The following ANKS1B variants were observed in gnomAD, a reference collection of about 807,000 sequenced individuals.
The protein encoded by ANKS1B is ankyrin repeat and sterile alpha motif domain containing 1B, also known as ankyrin repeat and sterile alpha motif domain-containing protein 1B.
ANKS1B carries 36 observed loss-of-function variants against 148.3 expected under a neutral mutation model. The observed-to-expected ratio is 0.24, with a 90% CI of 0.19 to 0.32. ANKS1B has a LOEUF of 0.32. Ranked by LOEUF, ANKS1B falls within the 10% of genes least tolerant of loss-of-function variation. The probability of loss-of-function intolerance (pLI) is 1.00; values close to 1 mark genes in which losing one functional copy is unlikely to be tolerated. For missense variants in ANKS1B, 1,157 were observed against 1,542.6 expected (o/e 0.75, Z 4.19); for synonymous variants, 542 against 560.8 (o/e 0.97, Z 0.47).
chr12:99,552,436 T>C (rs1359084806), intron 9 of ANKS1B, among the ~76,000 whole-genome samples: 1 of 152,248 alleles, frequency 6.6e-6, no homozygotes, highest in Non-Finnish European at 1.5e-5. Flanking sequence ...GTTTCATGTC[T>C]GTCTTGTTCA....
At chr12:99,609,922 T>A (rs1374055151) in intron 9 of ANKS1B, among the ~76,000 whole-genome samples, 1 of 152,122 alleles carries the variant, frequency 6.6e-6, no homozygotes, top group Non-Finnish European at 1.5e-5. Context: ...GAAGAGCTGA[T>A]GTTAGTAAAT....
At chr12:99,945,101 G>A (rs1219940016) in intron 1 of ANKS1B, among the ~76,000 whole-genome samples, 4 of 152,154 alleles carry the variant, frequency 2.6e-5, no homozygotes, top group South Asian at 2.1e-4. Context: ...TTCCAGTTGG[G>A]AAAGACAGAC....
intron 9 of ANKS1B, among the ~76,000 whole-genome samples, chr12:99,548,526 T>G (rs1349492347): frequency 6.6e-6 from 1 of 152,064 alleles, no homozygotes; most frequent in Non-Finnish European, 1.5e-5. Flanking sequence ...CTGACAAATA[T>G]AGGTAATGTT....
chr12:98,848,841 C>T (rs3741812), intron 17 of ANKS1B, among the ~76,000 whole-genome samples: 35,286 of 149,734 alleles, frequency 0.24, 4,691 homozygotes, highest in African/African-American at 0.34. Context: ...CAGATTTAAA[C>T]GATTCTCCTG....
At chr12:98,878,038 T>C (rs1477802685) in intron 17 of ANKS1B, among the ~76,000 whole-genome samples, 1 of 152,144 alleles carries the variant, frequency 6.6e-6, no homozygotes, top group Non-Finnish European at 1.5e-5. Flanking sequence ...GGTTTGAGTA[T>C]ATACAGTATA....
intron 10 of ANKS1B, among the ~76,000 whole-genome samples, chr12:99,503,648 C>T (rs1302355542): frequency 2.0e-5 from 3 of 152,116 alleles, no homozygotes; most frequent in African/African-American, 7.2e-5. Context: ...CTCTCTACTC[C>T]ATTTCCCAGT....
chr12:99,016,517 G>T (rs867097679), intron 17 of ANKS1B, among the ~76,000 whole-genome samples: 1 of 152,084 alleles, frequency 6.6e-6, no homozygotes, highest in East Asian at 1.9e-4. Context: ...TTAACCAGGC[G>T]TGGTGGCACA....
intron 14 of ANKS1B, among the ~76,000 whole-genome samples, chr12:99,203,328 T>C (rs1233434503): frequency 6.6e-6 from 1 of 152,188 alleles, no homozygotes; most frequent in East Asian, 1.9e-4. Context: ...GCCCTTTGTC[T>C]GGGACAGCTT....
intron 21 of ANKS1B, among the ~76,000 whole-genome samples, chr12:98,800,625 A>G (rs721798): frequency 0.69 from 100,693 of 146,078 alleles, 37,754 homozygotes; most frequent in East Asian, 0.85. Context: ...GTATTTACAT[A>G]AAGTGGCAGA....
chr12:98,961,525 G>A (rs2099871408), intron 17 of ANKS1B, among the ~76,000 whole-genome samples: 2 of 151,916 alleles, frequency 1.3e-5, no homozygotes, highest in African/African-American at 4.8e-5. Flanking sequence ...ACATTAATGA[G>A]AAATAAGAAA....
chr12:99,648,528 C>T (rs766851016), intron 9 of ANKS1B: 69 of 1,614,038 alleles, frequency 4.3e-5, no homozygotes, highest in Non-Finnish European at 5.5e-5. Context: ...TAGAACTAAC[C>T]AGGCTGCTTC....
At chr12:99,504,798 C>T (rs1433510633) in intron 9 of ANKS1B, 157 bp from the exon 10 acceptor site, 2 of 577,970 alleles carry the variant, frequency 3.5e-6, no homozygotes, top group Non-Finnish European at 2.9e-6. Context: ...TCATGTAAAC[C>T]CAATATCAGT....
At chr12:99,722,540 T>C (rs754481779) in intron 8 of ANKS1B, among the ~76,000 whole-genome samples, 7 of 152,294 alleles carry the variant, frequency 4.6e-5, no homozygotes, top group Non-Finnish European at 1.0e-4. Context: ...GACCTACTGC[T>C]TAAAAAAAGA....
intron 17 of ANKS1B, among the ~76,000 whole-genome samples, chr12:98,964,657 C>T (rs944120761): frequency 3.3e-5 from 5 of 152,104 alleles, no homozygotes; most frequent in Admixed American, 2.0e-4. Context: ...TTGTCAACAA[C>T]GTGGATGGAA....
At chr12:99,884,595 A>T (rs2092720659) in intron 1 of ANKS1B, among the ~76,000 whole-genome samples, 1 of 152,232 alleles carries the variant, frequency 6.6e-6, no homozygotes, top group African/African-American at 2.4e-5. Flanking sequence ...ACACAACAAC[A>T]TGGGTGAATC....
intron 17 of ANKS1B, among the ~76,000 whole-genome samples, chr12:99,029,797 T>C (rs535066589): frequency 1.3e-5 from 2 of 152,340 alleles, no homozygotes; most frequent in East Asian, 3.9e-4. Context: ...GATTTGGATG[T>C]GAATAGACCT....
chr12:98,864,064 C>T (rs1215411581), intron 17 of ANKS1B, among the ~76,000 whole-genome samples: 1 of 151,742 alleles, frequency 6.6e-6, no homozygotes, highest in Non-Finnish European at 1.5e-5. Context: ...GACTCTGTTC[C>T]TTGAAGGAAG....
At chr12:99,326,155 A>C (rs779395069) in intron 12 of ANKS1B, among the ~76,000 whole-genome samples, 3 of 151,982 alleles carry the variant, frequency 2.0e-5, no homozygotes, top group Non-Finnish European at 4.4e-5. Flanking sequence ...ACACATGGGG[A>C]TTATGGGGAT....
intron 17 of ANKS1B, among the ~76,000 whole-genome samples, chr12:98,959,278 C>G (rs2099867379): frequency 6.6e-6 from 1 of 152,200 alleles, no homozygotes; most frequent in African/African-American, 2.4e-5. Context: ...ACTACTAGGG[C>G]CTTCCCTTTC....
Sources: allele counts gnomAD v4.1 joint callset (sites outside exome capture counted in the v4.1 genomes callset), GRCh38; gene constraint gnomAD v4.1.1; transcripts MANE v1.5; gene names NCBI Gene and HGNC (gene_info 2026-07-23, HGNC 2026-07-21).